The following FRMD6 variants were observed in gnomAD, a reference collection of about 807,000 sequenced individuals.
FRMD6 encodes FERM domain containing 6, also known as FERM domain-containing protein 6.
FRMD6 carries 37 observed loss-of-function variants against 73.2 expected under a neutral mutation model. The observed-to-expected ratio is 0.51, with a 90% CI of 0.39 to 0.66. The LOEUF is 0.66. Ranked by LOEUF, FRMD6 falls within the 30% of genes least tolerant of loss-of-function variation. The pLI is 0.00. For synonymous variants in FRMD6, 273 were observed against 282.2 expected, an observed-to-expected ratio of 0.97 and a Z score of 0.33; for missense variants, 714 against 780.5, an observed-to-expected ratio of 0.91 and a Z score of 1.02.
chr14:51,671,694 T>A (rs140147222), intron 1 of FRMD6, among the ~76,000 whole-genome samples: 188 of 152,272 alleles, frequency 1.2e-3, no homozygotes, highest in African/African-American at 4.4e-3. Context: ...TTAGAAAAAG[T>A]TTATGGGGAC....
At chr14:51,713,638 A>G (rs144954898) in intron 9 of FRMD6, 19 of 152,096 alleles carry the variant, frequency 1.2e-4, no homozygotes, top group African/African-American at 2.7e-4. Flanking sequence ...CTATATTGCA[A>G]ATAGAATGTG....
At chr14:51,615,097 A>G (rs1452710889) in intron 2 of FRMD6, among the ~76,000 whole-genome samples, 1 of 152,152 alleles carries the variant, frequency 6.6e-6, no homozygotes, top group Non-Finnish European at 1.5e-5. Context: ...TTAAGAGGAA[A>G]ATAAAAGGAA....
chr14:51,458,015 A>C, the FRMD6 span, among the ~76,000 whole-genome samples: 1 of 152,188 alleles, frequency 6.6e-6, no homozygotes, highest in Non-Finnish European at 1.5e-5. Context: ...TTGTTTGTTT[A>C]TTAACCTTTT....
chr14:51,440,593 T>C, the FRMD6 span, among the ~76,000 whole-genome samples: 1 of 152,118 alleles, frequency 6.6e-6, no homozygotes, highest in African/African-American at 2.4e-5. Context: ...GCTGGAGAAC[T>C]GAGAATTCTG....
At chr14:51,638,443 C>A (rs766156795) in intron 2 of FRMD6, among the ~76,000 whole-genome samples, 9 of 152,170 alleles carry the variant, frequency 5.9e-5, no homozygotes, top group Non-Finnish European at 1.0e-4. Flanking sequence ...TGTTCACATT[C>A]CTCCTGGAGA....
chr14:51,444,695 T>C, the FRMD6 span, among the ~76,000 whole-genome samples: 7 of 152,186 alleles, frequency 4.6e-5, no homozygotes, highest in African/African-American at 1.7e-4. Context: ...TGGCAAGAAG[T>C]CACGGAGCCC....
chr14:51,591,397 A>G (rs1316124676), intron 2 of FRMD6, among the ~76,000 whole-genome samples: 3 of 152,240 alleles, frequency 2.0e-5, no homozygotes, highest in African/African-American at 7.2e-5. Context: ...AAGTATGACA[A>G]TTTGCAAAAA....
At chr14:51,499,233 C>A (rs1883468664) in intron 1 of FRMD6, among the ~76,000 whole-genome samples, 1 of 152,220 alleles carries the variant, frequency 6.6e-6, no homozygotes, top group African/African-American at 2.4e-5. Flanking sequence ...TGTTGACTCT[C>A]AGCAACGACA....
intron 2 of FRMD6, among the ~76,000 whole-genome samples, chr14:51,597,044 A>G (rs940112952): frequency 2.0e-5 from 3 of 152,218 alleles, no homozygotes; most frequent in African/African-American, 7.2e-5. Context: ...CAATGTGTCA[A>G]AGAGGGCATT....
Position 51,725,753 on chromosome 14 carries a change from G to A in FRMD6, c.1493-26G>A, listed in dbSNP as rs550109772. 5.3e-6 allele frequency: 8 copies of A among 1,506,848 alleles called. No homozygotes were observed. The South Asian group carries it at 7.9e-5, about 15-fold the overall frequency. 93.3% of individuals were successfully genotyped at this position (1,506,848 alleles called of 1,614,324 possible). A position where few individuals can be genotyped will look rare whatever the true frequency, so the allele number is the denominator to read the frequency against. On this transcript the variant is annotated intron_variant, in intron 12 of 13. Coordinates refer to ENST00000344768, the MANE Select transcript of FRMD6 (RefSeq NM_001267046.2). ...GTGTGAATAATTTGAAGTATTTATT[G>A]TTTTTATCTCTGTGTTTTATTTCAG...
chr14:51,618,448 A>G (rs182828879), intron 2 of FRMD6, among the ~76,000 whole-genome samples: 1 of 152,322 alleles, frequency 6.6e-6, no homozygotes, highest in African/African-American at 2.4e-5. Flanking sequence ...AGCAGAACAG[A>G]CTGGAGAGAA....
At chr14:51,589,190 A>G (rs1889228782) in intron 2 of FRMD6, among the ~76,000 whole-genome samples, 1 of 152,160 alleles carries the variant, frequency 6.6e-6, no homozygotes, top group Non-Finnish European at 1.5e-5. Context: ...TTTAGTCCCC[A>G]CAGCATTATC....
chr14:51,722,983 C>A (rs1008801780), intron 12 of FRMD6, among the ~76,000 whole-genome samples: 2 of 152,208 alleles, frequency 1.3e-5, no homozygotes, highest in Non-Finnish European at 2.9e-5. Context: ...GGCACTTAGT[C>A]TTCAAGAGCA....
intron 1 of FRMD6, among the ~76,000 whole-genome samples, chr14:51,513,804 A>G (rs1983733): frequency 0.02 from 3,027 of 152,194 alleles, 73 homozygotes; most frequent in East Asian, 0.071. Context: ...TTCATGACTG[A>G]GCCCTGGCAT....
intron 1 of FRMD6, among the ~76,000 whole-genome samples, chr14:51,569,987 A>G (rs528160844): frequency 6.6e-6 from 1 of 151,270 alleles, no homozygotes; most frequent in Non-Finnish European, 1.5e-5. Flanking sequence ...GGCTAATTTT[A>G]TGTATTTTTA....
chr14:51,455,039 ATAGG>A, the FRMD6 span, among the ~76,000 whole-genome samples: 20 of 152,314 alleles, frequency 1.3e-4, no homozygotes, highest in African/African-American at 4.6e-4. Context: ...CTCAGGACAA[ATAGG>A]TAGTCTGTTG....
intron 1 of FRMD6, among the ~76,000 whole-genome samples, chr14:51,669,720 A>G (rs1893859267): frequency 6.6e-6 from 1 of 152,118 alleles, no homozygotes; most frequent in African/African-American, 2.4e-5. Flanking sequence ...TAATATTTAT[A>G]TATTTTTGGA....
chr14:51,557,509 G>C (rs1217659079), intron 1 of FRMD6, among the ~76,000 whole-genome samples: 1 of 152,078 alleles, frequency 6.6e-6, no homozygotes, highest in African/African-American at 2.4e-5. Flanking sequence ...GTGATGGTAG[G>C]GGGAGCCAGG....
intron 2 of FRMD6, among the ~76,000 whole-genome samples, chr14:51,586,944 C>T (rs1889084279): frequency 6.6e-6 from 1 of 152,206 alleles, no homozygotes; most frequent in East Asian, 1.9e-4. Context: ...GACAGAGTCT[C>T]GCCATGTTGC....
Sources: allele counts gnomAD v4.1 joint callset (sites outside exome capture counted in the v4.1 genomes callset), GRCh38; gene constraint gnomAD v4.1.1; transcripts MANE v1.5; gene names NCBI Gene and HGNC (gene_info 2026-07-23, HGNC 2026-07-21).